Variants in SPATA17 observed in about 807,000 individuals in gnomAD.
SPATA17 encodes the protein spermatogenesis associated 17.
In SPATA17, 53 loss-of-function variants were observed where a neutral mutation model predicts 62.2. The ratio of observed to expected loss-of-function variants is 0.85; its 90% confidence interval spans 0.68 to 1.07. The LOEUF (loss-of-function observed/expected upper bound fraction) is 1.07, where lower values mean the gene tolerates loss of function less well. Ranked by LOEUF, SPATA17 falls within the 50% of genes least tolerant of loss-of-function variation. The pLI is 0.00. For missense variants in SPATA17, 466 were observed against 425.5 expected, an observed-to-expected ratio of 1.10 and a Z score of -0.84; for synonymous variants, 146 against 146.8, an observed-to-expected ratio of 0.99 and a Z score of 0.04.
At chr1:217,687,059 G>C (rs565862500) in intron 5 of SPATA17, among the ~76,000 whole-genome samples, 10 of 152,236 alleles carry the variant, frequency 6.6e-5, no homozygotes, top group African/African-American at 2.4e-4. Context: ...TGGAGATACA[G>C]TTGTTCTAAA....
chr1:217,869,825 A>G lies in SPATA17; in HGVS notation c.*2806A>G, dbSNP rs1383573673. On this transcript the variant is annotated 3_prime_UTR_variant, in exon 11 of 11. Transcript: ENST00000366933. ...GTTAACTTTGGAATACCCTTGGCCA[A>G]GAAGAGGGGTCCATGCAGATGTTTG... 6.6e-6 allele frequency: 1 copy of G among 152,026 alleles called. No homozygotes were observed. The highest frequency in any genetic ancestry group is 2.4e-5 in the African/African-American group (1 of 41,386). The allele number at this position is 152,026 out of a possible 1,614,324, so 9.4% of individuals were successfully genotyped here.
At chr1:217,722,678 C>CT (rs1672162387) in intron 5 of SPATA17, among the ~76,000 whole-genome samples, 1 of 152,138 alleles carries the variant, frequency 6.6e-6, no homozygotes, top group African/African-American at 2.4e-5. Flanking sequence ...CTTAAATTGT[C>CT]TAAGGACTCT....
At chr1:217,670,035 C>A (rs1670797873) in intron 4 of SPATA17, among the ~76,000 whole-genome samples, 1 of 152,028 alleles carries the variant, frequency 6.6e-6, no homozygotes, top group African/African-American at 2.4e-5. Flanking sequence ...TTTTCTTGAG[C>A]CAGAGGCAGA....
chr1:217,801,787 T>G lies in SPATA17; in HGVS notation c.942T>G (p.Tyr314Ter). Residue 314 changes from tyrosine (Y) to a stop codon, truncating the protein, a stop_gained, in exon 9 of 11, where the codon TAT becomes TAG. Transcript: ENST00000366933. LOFTEE classifies it high-confidence loss of function. ...YIPSMHLSSK[Y>*]GPISYKEQFR... Reference sequence around the variant, plus strand: ...CATCAATGCATTTATCAAGCAAGTATGGTCCTATTTCTTACAAAGAACAAT... The same window carrying G: ...CATCAATGCATTTATCAAGCAAGTAGGGTCCTATTTCTTACAAAGAACAAT... The G allele has an allele frequency of 1.2e-6, 2 of 1,611,834 alleles. No homozygotes were observed. Among genetic ancestry groups the G allele is most frequent in the Non-Finnish European group, 1.7e-6 (2 of 1,179,072 alleles).
At chr1:217,803,366 G>T (rs1015929748) in intron 9 of SPATA17, among the ~76,000 whole-genome samples, 4 of 152,086 alleles carry the variant, frequency 2.6e-5, no homozygotes, top group African/African-American at 9.7e-5. Context: ...AAACCCTAAA[G>T]ACTCCACCAA....
chr1:217,643,181 T>C (rs941020284), intron 1 of SPATA17, among the ~76,000 whole-genome samples: 3 of 151,812 alleles, frequency 2.0e-5, no homozygotes, highest in South Asian at 2.1e-4. Flanking sequence ...AGTTTTTTTC[T>C]CTTACCTTTT....
intron 5 of SPATA17, among the ~76,000 whole-genome samples, chr1:217,715,650 A>T (rs1671983921): frequency 6.6e-6 from 1 of 150,792 alleles, no homozygotes; most frequent in Non-Finnish European, 1.5e-5. Context: ...CCATACATTC[A>T]TACACTTAGC....
chr1:217,785,476 C>A (rs1275098370), intron 8 of SPATA17, among the ~76,000 whole-genome samples: 6 of 152,026 alleles, frequency 3.9e-5, no homozygotes, highest in Admixed American at 3.9e-4. Context: ...GGAAGTGCCA[C>A]ACTTTTAAAC....
At chr1:217,744,954 T>C (rs1672713219) in intron 6 of SPATA17, among the ~76,000 whole-genome samples, 2 of 152,230 alleles carry the variant, frequency 1.3e-5, no homozygotes, top group African/African-American at 2.4e-5. Flanking sequence ...GTAACAATCA[T>C]ATTATTAGAA....
intron 5 of SPATA17, among the ~76,000 whole-genome samples, chr1:217,705,637 C>T (rs1671717340): frequency 6.6e-6 from 1 of 151,812 alleles, no homozygotes; most frequent in Admixed American, 6.6e-5. Flanking sequence ...GATGGGGTTT[C>T]ACCATGTTGG....
intron 9 of SPATA17, among the ~76,000 whole-genome samples, chr1:217,853,077 A>G (rs890873608): frequency 6.6e-6 from 1 of 152,132 alleles, no homozygotes; most frequent in Non-Finnish European, 1.5e-5. Context: ...TGGCTTAAGT[A>G]GGCACTTGAT....
intron 9 of SPATA17, among the ~76,000 whole-genome samples, chr1:217,829,008 C>T (rs1460211942): frequency 6.6e-6 from 1 of 152,006 alleles, no homozygotes; most frequent in Non-Finnish European, 1.5e-5. Context: ...CCAATTGGAA[C>T]AGCCATTATG....
intron 5 of SPATA17, among the ~76,000 whole-genome samples, chr1:217,683,871 A>T (rs1179270100): frequency 6.6e-5 from 10 of 152,050 alleles, no homozygotes; most frequent in Non-Finnish European, 2.9e-5. Context: ...CAAGTTATTT[A>T]TGTGTGTAGT....
Position 217,634,215 on chromosome 1 carries a change from C to T in SPATA17, c.68+2769C>T, listed in dbSNP as rs538484446. ...CCTAGACAGAGCCAATTTATCAAGA[C>T]GGCAATTGCAATAAAGAAAGAATAA... On this transcript the variant is annotated intron_variant, in intron 1 of 10. Transcript: ENST00000366933. Among the ~76,000 whole-genome samples the T allele has an allele frequency of 5.3e-4, 80 of 152,266 alleles. 1 individual carries two copies. The highest frequency in any genetic ancestry group is 1.4e-3 in the African/African-American group (57 of 41,534).
At chr1:217,825,220 A>G (rs1470175609) in intron 9 of SPATA17, among the ~76,000 whole-genome samples, 1 of 151,850 alleles carries the variant, frequency 6.6e-6, no homozygotes, top group Non-Finnish European at 1.5e-5. Context: ...CTAATTAAGA[A>G]CAGAAAAGGT....
intron 6 of SPATA17, 52 bp downstream of exon 6, chr1:217,742,150 T>A (rs1334708140): frequency 1.3e-6 from 2 of 1,598,666 alleles, no homozygotes; most frequent in Non-Finnish European, 1.7e-6. Context: ...GCCCCTAGCC[T>A]GACAAAGATA....
chr1:217,714,930 G>T (rs1320170716), intron 5 of SPATA17, among the ~76,000 whole-genome samples: 1 of 152,114 alleles, frequency 6.6e-6, no homozygotes. Context: ...ATCCCTTTAA[G>T]TCTGAGAAAA....
At chr1:217,631,909 G>A (rs1256952916) in intron 1 of SPATA17, among the ~76,000 whole-genome samples, 17 of 152,130 alleles carry the variant, frequency 1.1e-4, no homozygotes, top group African/African-American at 4.1e-4. Flanking sequence ...TCTGCCGGGT[G>A]TGGTGGCTCA....
chr1:217,811,556 GGT>G (rs1674587693), intron 9 of SPATA17, among the ~76,000 whole-genome samples: 1 of 151,954 alleles, frequency 6.6e-6, no homozygotes, highest in Non-Finnish European at 1.5e-5. Flanking sequence ...AGCTGGGCAT[GGT>G]GGTGCACACC....
Sources: allele counts gnomAD v4.1 joint callset (sites outside exome capture counted in the v4.1 genomes callset), GRCh38; gene constraint gnomAD v4.1.1; transcripts MANE v1.5; gene names NCBI Gene and HGNC (gene_info 2026-07-23, HGNC 2026-07-21).